The following C8orf34 variants were observed in gnomAD, a reference collection of about 807,000 sequenced individuals.
C8orf34 encodes uncharacterized protein C8orf34.
Under a neutral mutation model 68.3 loss-of-function variants are expected in C8orf34, and 65 were observed. The ratio of observed to expected loss-of-function variants is 0.95; its 90% CI spans 0.78 to 1.17. C8orf34 has a LOEUF of 1.17. Among genes scored for constraint, C8orf34 ranks in the 50% most tolerant of loss-of-function variants. The pLI, the probability that C8orf34 is intolerant of heterozygous loss-of-function variation, is 0.00. For synonymous variants in C8orf34, 244 were observed against 241.2 expected, an observed-to-expected ratio of 1.01 and a Z score of -0.11; for missense variants, 664 against 655.4, an observed-to-expected ratio of 1.01 and a Z score of -0.14.
chr8:68,667,992 A>G (rs1290035175), intron 8 of C8orf34, among the ~76,000 whole-genome samples: 1 of 152,188 alleles, frequency 6.6e-6, no homozygotes, highest in Admixed American at 6.6e-5. Context: ...ACATCCAACA[A>G]TGCAAAGCAG....
chr8:68,465,081 A>G (rs1326317832), intron 3 of C8orf34, among the ~76,000 whole-genome samples: 2 of 152,092 alleles, frequency 1.3e-5, no homozygotes, highest in Non-Finnish European at 2.9e-5. Flanking sequence ...CAGAATCTAC[A>G]ATGAACTCAA....
At chr8:68,765,894 T>C (rs1198067842) in intron 10 of C8orf34, among the ~76,000 whole-genome samples, 15 of 152,242 alleles carry the variant, frequency 9.9e-5, no homozygotes, top group Admixed American at 9.8e-4. Flanking sequence ...TGACCTGAAT[T>C]TGTTTACAAG....
At chr8:68,509,307 G>A (rs1814160853) in intron 5 of C8orf34, among the ~76,000 whole-genome samples, 1 of 152,146 alleles carries the variant, frequency 6.6e-6, no homozygotes, top group Non-Finnish European at 1.5e-5. Context: ...GACAAACTGG[G>A]TTATTAGAAA....
At chr8:68,786,242 T>A (rs1045040636) in intron 11 of C8orf34, among the ~76,000 whole-genome samples, 1 of 152,176 alleles carries the variant, frequency 6.6e-6, no homozygotes, top group Non-Finnish European at 1.5e-5. Flanking sequence ...TTTAAAGTCG[T>A]TATTTTGTTC....
intron 8 of C8orf34, among the ~76,000 whole-genome samples, chr8:68,687,599 T>TA (rs1752139447): frequency 6.6e-6 from 1 of 151,904 alleles, no homozygotes; most frequent in Admixed American, 6.6e-5. Flanking sequence ...TCTCACCTTA[T>TA]AAAAAAATCA....
intron 3 of C8orf34, among the ~76,000 whole-genome samples, chr8:68,466,689 C>T (rs1056348477): frequency 6.9e-6 from 1 of 145,348 alleles, no homozygotes; most frequent in Non-Finnish European, 1.5e-5. Context: ...GAAATATTTG[C>T]TAAAATAAAC....
At chr8:68,349,645 A>G (rs961760059) in intron 1 of C8orf34, among the ~76,000 whole-genome samples, 1 of 151,800 alleles carries the variant, frequency 6.6e-6, no homozygotes, top group Non-Finnish European at 1.5e-5. Context: ...TATGGATTCA[A>G]TTTCGGAGCT....
chr8:68,667,598 C>T (rs1033171579), intron 8 of C8orf34, among the ~76,000 whole-genome samples: 2 of 152,198 alleles, frequency 1.3e-5, no homozygotes, highest in Non-Finnish European at 2.9e-5. Flanking sequence ...ATCTAAGCTG[C>T]ATTCCCAGAG....
chr8:68,388,648 A>C (rs1808358895), intron 1 of C8orf34, among the ~76,000 whole-genome samples: 1 of 152,070 alleles, frequency 6.6e-6, no homozygotes, highest in Admixed American at 6.5e-5. Flanking sequence ...TATTCATCAA[A>C]AGAAATGAAC....
chr8:68,815,845 T>C (rs774503761), intron 12 of C8orf34, 41 bp from the exon 13 acceptor site: 1 of 1,613,454 alleles, frequency 6.2e-7, no homozygotes, highest in South Asian at 1.1e-5. Context: ...CGATGATTTT[T>C]CCTGGCCTGG....
At chr8:68,716,877 G>A (rs910272806) in intron 9 of C8orf34, among the ~76,000 whole-genome samples, 18 of 151,802 alleles carry the variant, frequency 1.2e-4, no homozygotes, top group Non-Finnish European at 2.4e-4. Context: ...ATTTTTTTAT[G>A]CAGTAGAAAC....
intron 9 of C8orf34, among the ~76,000 whole-genome samples, chr8:68,710,676 T>C (rs1821306811): frequency 6.6e-6 from 1 of 152,134 alleles, no homozygotes; most frequent in Admixed American, 6.5e-5. Context: ...TGCTCCCAAC[T>C]GGTGGTCTTT....
intron 12 of C8orf34, among the ~76,000 whole-genome samples, chr8:68,789,526 C>G (rs1823933845): frequency 6.6e-6 from 1 of 152,126 alleles, no homozygotes; most frequent in Non-Finnish European, 1.5e-5. Flanking sequence ...TTCTTCAACC[C>G]TTGTCACCTA....
rs560967829 is a variant in C8orf34 at position 68,432,139 on chromosome 8, G to A, written c.328-7360G>A. Among the ~76,000 whole-genome samples the A allele has an allele frequency of 2.6e-5, 4 of 151,838 alleles. No individual in the cohort carries two copies. The South Asian group carries it at 8.4e-4, about 32-fold the overall frequency. ...TGTTGGTGAGGGTCAGATGTGATCT[G>A]GAATAAGCAAGGAGTTCAGAAACAA... On this transcript the variant is annotated intron_variant, in intron 1 of 13. Coordinates refer to ENST00000518698, the MANE Select transcript of C8orf34 (RefSeq NM_052958.4).
At chr8:68,430,436 A>G (rs1810407217) in intron 1 of C8orf34, among the ~76,000 whole-genome samples, 1 of 152,108 alleles carries the variant, frequency 6.6e-6, no homozygotes, top group Non-Finnish European at 1.5e-5. Context: ...ACCTGAGGAG[A>G]TCATAGGGAC....
chr8:68,337,235 C>A (rs146070709), intron 1 of C8orf34, among the ~76,000 whole-genome samples: 3 of 152,090 alleles, frequency 2.0e-5, no homozygotes, highest in African/African-American at 7.2e-5. Flanking sequence ...AGTAAAGAAA[C>A]CTGGCAGACA....
At chr8:68,649,838 C>T (rs1477293289) in intron 8 of C8orf34, among the ~76,000 whole-genome samples, 2 of 151,742 alleles carry the variant, frequency 1.3e-5, no homozygotes, top group South Asian at 2.1e-4. Context: ...CACTGTACAA[C>T]GTATGGAAAA....
chr8:68,528,475 A>G (rs1400623502), intron 6 of C8orf34, among the ~76,000 whole-genome samples: 1 of 152,142 alleles, frequency 6.6e-6, no homozygotes, highest in East Asian at 1.9e-4. Flanking sequence ...CTGCCCCATC[A>G]TGGTAATTTG....
intron 3 of C8orf34, among the ~76,000 whole-genome samples, chr8:68,456,676 T>C (rs539281449): frequency 6.6e-6 from 1 of 152,310 alleles, no homozygotes; most frequent in East Asian, 1.9e-4. Context: ...CAATCTTCAA[T>C]AGTTATGTGT....
Sources: allele counts gnomAD v4.1 joint callset (sites outside exome capture counted in the v4.1 genomes callset), GRCh38; gene constraint gnomAD v4.1.1; transcripts MANE v1.5; gene names NCBI Gene and HGNC (gene_info 2026-07-23, HGNC 2026-07-21).